LSM14A: variants seen among roughly 807,000 people sequenced by gnomAD.
The protein encoded by LSM14A is protein LSM14 homolog A.
In LSM14A, 14 loss-of-function variants were observed where a neutral mutation model predicts 52.4. That is an observed-to-expected ratio of 0.27 (90% CI 0.18 to 0.42). LSM14A has a LOEUF of 0.42. LSM14A is among the 10% of genes least tolerant of loss of function. The pLI is 1.00. For synonymous variants in LSM14A, 185 were observed against 200.3 expected, an observed-to-expected ratio of 0.92 and a Z score of 0.64; for missense variants, 417 against 581.8, an observed-to-expected ratio of 0.72 and a Z score of 2.91.
intron 1 of LSM14A, among the ~76,000 whole-genome samples, chr19:34,174,387 A>G (rs2068934938): frequency 6.6e-6 from 1 of 152,242 alleles, no homozygotes; most frequent in Non-Finnish European, 1.5e-5. Context: ...AAATTTGCTG[A>G]AGATCATTGA....
chr19:34,226,375 C>CTTTTTTTTTTTTTTTTTT, intron 9 of LSM14A: 1 of 1,195,542 alleles, frequency 8.4e-7, no homozygotes, highest in Admixed American at 3.5e-5. Context: ...ATCTCTTTCT[C>CTTTTTTTTTTTTTTTTTT]TTTTTTTTTT....
Position 34,194,519 on chromosome 19 carries a change from A to G in LSM14A, c.163A>G (p.Ile55Val), listed in dbSNP as rs149715362. 17 of 1,614,018 alleles carry G rather than the reference A, an allele frequency of 1.1e-5. No individual in the cohort carries two copies. The African/African-American group carries it at 1.5e-4, about 14-fold the overall frequency. The change falls in exon 2 of 10, where the codon ATA becomes GTA. Residue 55 changes from isoleucine to valine, a missense_variant. Physicochemically the swap from Ile to Val is conservative, Grantham distance 29. This residue lies in a region of LSM14A where 60 missense variants were observed against 124.8 expected (regional missense o/e 0.48). Transcript: ENST00000544216. The part of the protein sequence containing the change: ...GTEDRPTDRP[I>V]PPRDEVFEYI... Reference sequence around the variant, plus strand: ...AGAAGACAGACCGACAGATCGTCCAATACCACCTCGAGATGAAGTCTTTGA... The same window carrying G: ...AGAAGACAGACCGACAGATCGTCCAGTACCACCTCGAGATGAAGTCTTTGA...
Position 34,219,540 on chromosome 19 carries a change from G to C in LSM14A, c.931G>C (p.Asp311His). 1 of 1,611,538 alleles carries C rather than the reference G, an allele frequency of 6.2e-7. No individual in the cohort carries two copies. Among genetic ancestry groups the C allele is most frequent in the East Asian group, 2.2e-5 (1 of 44,882 alleles). ...ANAQFNKEEI[D>H]REFHNKLKLK... ...TGCACAATTCAACAAGGAAGAGATT[G>C]ACAGAGAGTTTCATAATAAACTTAA... Residue 311 changes from aspartate (D) to histidine (H), a missense_variant, in exon 7 of 10, where the codon GAC becomes CAC. Physicochemically the swap from Asp to His is moderately conservative, Grantham distance 81. Coordinates refer to ENST00000544216, the MANE Select transcript of LSM14A (RefSeq NM_015578.4).
chr19:34,190,073 TA>T (rs1485439912), intron 1 of LSM14A, among the ~76,000 whole-genome samples: 1 of 152,228 alleles, frequency 6.6e-6, no homozygotes, highest in Non-Finnish European at 1.5e-5. Flanking sequence ...TGTGTTGTAG[TA>T]GAATAGTTCC....
intron 1 of LSM14A, among the ~76,000 whole-genome samples, chr19:34,185,767 T>C (rs1450963893): frequency 6.6e-6 from 1 of 152,240 alleles, no homozygotes; most frequent in African/African-American, 2.4e-5. Context: ...AGTTTGTGTA[T>C]GGCACCGAAT....
At chr19:34,220,951 T>C (rs1314155781) in intron 8 of LSM14A, among the ~76,000 whole-genome samples, 1 of 152,198 alleles carries the variant, frequency 6.6e-6, no homozygotes, top group African/African-American at 2.4e-5. Flanking sequence ...TTGGAGCTGT[T>C]ACTATGTTTA....
intron 4 of LSM14A, among the ~76,000 whole-genome samples, chr19:34,209,518 T>C (rs1316682758): frequency 6.6e-6 from 1 of 152,236 alleles, no homozygotes; most frequent in East Asian, 1.9e-4. Flanking sequence ...CTTAAAAATT[T>C]AAATCCTGAG....
rs1568491095 is a variant in LSM14A at position 34,208,686 on chromosome 19, T to A, written c.416-243T>A. 1.1e-5 allele frequency: 4 copies of A among 356,884 alleles called. No homozygotes were observed. In the South Asian group the frequency reaches 2.3e-4, roughly 20 times the overall value. The allele number at this position is 356,884 out of a possible 1,614,324, so 22.1% of individuals were successfully genotyped here. On this transcript the variant is annotated intron_variant, in intron 3 of 9. Coordinates refer to ENST00000544216, the MANE Select transcript of LSM14A (RefSeq NM_015578.4). ...GCCTAGGACAGCACTCCATGTGTTA[T>A]AAACATTGCTTGCATCCAAGGATAG...
rs369716064 is a variant in LSM14A at position 34,181,686 on chromosome 19, C to T, written c.121+8923C>T. 4.0e-4 allele frequency among the ~76,000 whole-genome samples: 61 copies of T among 152,192 alleles called. No homozygotes were observed. In the South Asian group the frequency reaches 4.4e-3, roughly 11 times the overall value. ...TGGGAGAGCTCCAGGGCTCAGTTAT[C>T]TCCCCTTTTCTCTCTGTCTGTTAAC... On this transcript the variant is annotated intron_variant, in intron 1 of 9. Transcript: ENST00000544216.
At position 34,188,020 on chromosome 19, in the gene LSM14A, C is replaced by T. The variant is rs138709633; in HGVS notation, c.122-6458C>T. Among the ~76,000 whole-genome samples, 46 of 152,234 alleles carry T rather than the reference C, an allele frequency of 3.0e-4. 1 individual carries two copies. Among genetic ancestry groups the T allele is most frequent in the Admixed American group, 1.4e-3 (21 of 15,270 alleles). On this transcript the variant is annotated intron_variant, in intron 1 of 9. Transcript: ENST00000544216. ...ATTATTAGCTGGGCATCATGGCTCACACCTGTATGTAATTCCAGCACTTTG... is the reference window on the plus strand; with the variant it reads ...ATTATTAGCTGGGCATCATGGCTCATACCTGTATGTAATTCCAGCACTTTG...
At chr19:34,194,204 C>T (rs989681966) in intron 1 of LSM14A, among the ~76,000 whole-genome samples, 34 of 151,996 alleles carry the variant, frequency 2.2e-4, no homozygotes, top group Non-Finnish European at 1.5e-4. Context: ...ATTTTAACAC[C>T]CCACTACAAC....
intron 1 of LSM14A, among the ~76,000 whole-genome samples, chr19:34,187,447 TTTTG>T (rs1156603869): frequency 6.6e-6 from 1 of 151,714 alleles, no homozygotes; most frequent in Non-Finnish European, 1.5e-5. Flanking sequence ...ACCGGCTAAT[TTTTG>T]TTTTTGTTTT....
chr19:34,203,315 A>C (rs916657764), intron 3 of LSM14A, among the ~76,000 whole-genome samples: 1 of 152,238 alleles, frequency 6.6e-6, no homozygotes, highest in South Asian at 2.1e-4. Flanking sequence ...TGAATAGACC[A>C]TCAGTGGGTA....
At chr19:34,210,359 T>C (rs1423469684) in intron 4 of LSM14A, among the ~76,000 whole-genome samples, 1 of 151,856 alleles carries the variant, frequency 6.6e-6, no homozygotes, top group African/African-American at 2.4e-5. Context: ...AACCTCCACC[T>C]CCCAGGTTCA....
chr19:34,196,974 T>A (rs569539342), intron 3 of LSM14A, among the ~76,000 whole-genome samples: 13 of 151,688 alleles, frequency 8.6e-5, no homozygotes, highest in African/African-American at 3.1e-4. Context: ...AGAGTAACAT[T>A]TTTTTTTACT....
At chr19:34,175,067 T>C (rs1038626114) in intron 1 of LSM14A, among the ~76,000 whole-genome samples, 2 of 152,220 alleles carry the variant, frequency 1.3e-5, no homozygotes, top group Non-Finnish European at 2.9e-5. Flanking sequence ...CTGTAATAGT[T>C]AAATTCATAT....
intron 9 of LSM14A, among the ~76,000 whole-genome samples, chr19:34,222,866 G>T (rs1184742385): frequency 6.6e-6 from 1 of 152,150 alleles, no homozygotes; most frequent in East Asian, 1.9e-4. Context: ...AATAGCCCTC[G>T]CTTATCACTG....
intron 9 of LSM14A, chr19:34,226,497 G>T: frequency 6.7e-7 from 1 of 1,495,730 alleles, no homozygotes; most frequent in South Asian, 1.3e-5. Context: ...GAGGTGTGAA[G>T]GTTGGCTTTG....
intron 9 of LSM14A, among the ~76,000 whole-genome samples, chr19:34,223,288 AT>A (rs1477006061): frequency 1.3e-5 from 2 of 151,978 alleles, no homozygotes; most frequent in Non-Finnish European, 2.9e-5. Flanking sequence ...CACTCTCACT[AT>A]GTTGTCCAGG....
Sources: allele counts gnomAD v4.1 joint callset (sites outside exome capture counted in the v4.1 genomes callset), GRCh38; gene constraint gnomAD v4.1.1; regional missense constraint gnomAD v4.1.1; transcripts MANE v1.5; gene names NCBI Gene and HGNC (gene_info 2026-07-23, HGNC 2026-07-21).